Variants in NAA11 observed in about 807,000 individuals in gnomAD.
NAA11 encodes N-alpha-acetyltransferase 11.
Under a neutral mutation model 16.1 loss-of-function variants are expected in NAA11, and 15 were observed. The ratio of observed to expected loss-of-function variants is 0.93; its 90% CI spans 0.62 to 1.44. NAA11 has a LOEUF of 1.44. NAA11 is among the 40% of genes most tolerant of loss of function. The pLI is 0.00. For synonymous variants in NAA11, 122 were observed against 112.4 expected (o/e 1.09, Z -0.54); for missense variants, 298 against 291.3 (o/e 1.02, Z -0.17).
chr4:79,260,463 T>C (rs1226808252), intron 2 of NAA11, among the ~76,000 whole-genome samples: 1 of 152,212 alleles, frequency 6.6e-6, no homozygotes, highest in Non-Finnish European at 1.5e-5. Flanking sequence ...GGCATCTGAC[T>C]AGGCCATTTT....
At chr4:79,302,569 T>C (rs996121634) in intron 1 of NAA11, among the ~76,000 whole-genome samples, 1 of 152,130 alleles carries the variant, frequency 6.6e-6, no homozygotes, top group Admixed American at 6.5e-5. Context: ...TGTATATGTG[T>C]ATATAATGTA....
At position 79,316,713 on chromosome 4, in the gene NAA11, A is replaced by G. The variant is rs1194144675; in HGVS notation, c.*1091T>C. Reference sequence around the variant, plus strand: ...CTTTGTCTTCACTTATTTTTACTAGAGAAAAATAATAAAAATAGATTATAA... The same window carrying G: ...CTTTGTCTTCACTTATTTTTACTAGGGAAAAATAATAAAAATAGATTATAA... On this transcript the variant is annotated 3_prime_UTR_variant, in exon 2 of 2. Transcript: ENST00000286794. The G allele has an allele frequency of 6.6e-6, 1 of 152,194 alleles. No individual in the cohort carries two copies. Among genetic ancestry groups the G allele is most frequent in the East Asian group, 1.9e-4 (1 of 5,202 alleles). The allele number at this position is 152,194 out of a possible 1,614,324, so 9.4% of individuals were successfully genotyped here.
chr4:79,234,117 C>T (rs183597332), intron 2 of NAA11, among the ~76,000 whole-genome samples: 246 of 152,068 alleles, frequency 1.6e-3, no homozygotes, highest in African/African-American at 5.5e-3. Context: ...AAGATAAGAC[C>T]GCAAAACCAA....
the NAA11 span, among the ~76,000 whole-genome samples, chr4:79,155,786 C>G: frequency 6.6e-6 from 1 of 152,210 alleles, no homozygotes; most frequent in African/African-American, 2.4e-5. Flanking sequence ...GTCTCCTGCT[C>G]TGTTATCAGG....
chr4:79,314,885 A>G (rs973090636), downstream of NAA11, among the ~76,000 whole-genome samples: 3 of 152,148 alleles, frequency 2.0e-5, no homozygotes, highest in Non-Finnish European at 4.4e-5. Flanking sequence ...TACATTTTAT[A>G]CTATATACAC....
Position 79,245,741 on chromosome 4 carries a change from C to T in NAA11, c.*123-19471G>A, listed in dbSNP as rs532497477. On this transcript the variant is annotated intron_variant and NMD_transcript_variant, in intron 2 of 2. Transcript: ENST00000511542. ...CTGGGAGGTTGGGGGCGCCCCCGCC[C>T]GGCAGCCACCCCCTCTGGGAGGTAG... 4.6e-5 allele frequency among the ~76,000 whole-genome samples: 7 copies of T among 151,724 alleles called. No individual in the cohort carries two copies. In the East Asian group the frequency reaches 5.9e-4, roughly 13 times the overall value.
chr4:79,196,302 C>A, the NAA11 span, among the ~76,000 whole-genome samples: 23 of 152,016 alleles, frequency 1.5e-4, no homozygotes, highest in Non-Finnish European at 2.9e-4. Context: ...CTATAGACAC[C>A]CAGAGAGGAT....
intron 2 of NAA11, among the ~76,000 whole-genome samples, chr4:79,238,848 T>C (rs544929473): frequency 1.3e-5 from 2 of 152,330 alleles, no homozygotes; most frequent in Admixed American, 1.3e-4. Context: ...TTGCCTCTTG[T>C]AGTTCTCTTG....
chr4:79,197,960 G>C, the NAA11 span, among the ~76,000 whole-genome samples: 4 of 135,364 alleles, frequency 3.0e-5, no homozygotes, highest in Non-Finnish European at 6.4e-5. Flanking sequence ...TGCGAGGTAA[G>C]TAAAATAACT....
At chr4:79,169,235 CATAGAATT>C in the NAA11 span, among the ~76,000 whole-genome samples, 1 of 152,106 alleles carries the variant, frequency 6.6e-6, no homozygotes, top group African/African-American at 2.4e-5. Context: ...TGATTTTCTT[CATAGAATT>C]AGAAAAAACT....
At chr4:79,323,205 GAC>G in intron 1 of NAA11, among the ~76,000 whole-genome samples, 1 of 152,138 alleles carries the variant, frequency 6.6e-6, no homozygotes, top group South Asian at 2.1e-4. Flanking sequence ...AGGGTAAGGT[GAC>G]TAGATTAAGA....
chr4:79,166,399 T>TA, the NAA11 span, among the ~76,000 whole-genome samples: 1 of 151,760 alleles, frequency 6.6e-6, no homozygotes, highest in South Asian at 2.1e-4. Flanking sequence ...ATGTGGGGGC[T>TA]GGAGTGTAGT....
At chr4:79,257,428 A>G (rs1181025759) in intron 2 of NAA11, among the ~76,000 whole-genome samples, 1 of 152,048 alleles carries the variant, frequency 6.6e-6, no homozygotes, top group African/African-American at 2.4e-5. Context: ...AATTTGCAAG[A>G]GATTTTTTTT....
At chr4:79,209,866 C>A in the NAA11 span, among the ~76,000 whole-genome samples, 2 of 151,938 alleles carry the variant, frequency 1.3e-5, no homozygotes, top group Non-Finnish European at 1.5e-5. Flanking sequence ...GCAAACACGG[C>A]AAAACCTCAT....
the NAA11 span, among the ~76,000 whole-genome samples, chr4:79,157,415 C>T: frequency 1.3e-5 from 2 of 151,962 alleles, no homozygotes; most frequent in South Asian, 2.1e-4. Flanking sequence ...ATCCAGGTTG[C>T]TGCCAATGCA....
At chr4:79,163,415 G>A in the NAA11 span, among the ~76,000 whole-genome samples, 1 of 152,036 alleles carries the variant, frequency 6.6e-6, no homozygotes, top group East Asian at 1.9e-4. Flanking sequence ...GCTGTGGGGA[G>A]GGTTAAAAAA....
At chr4:79,298,913 G>A (rs922893489) in intron 1 of NAA11, 1 of 152,176 alleles carries the variant, frequency 6.6e-6, no homozygotes, top group Non-Finnish European at 1.5e-5. Context: ...GATTTTACTT[G>A]ACTATATTTT....
the NAA11 span, among the ~76,000 whole-genome samples, chr4:79,188,949 G>C: frequency 2.0e-5 from 3 of 151,298 alleles, no homozygotes; most frequent in African/African-American, 7.3e-5. Context: ...AACTTGTGAA[G>C]GGCCGAGCGC....
Position 79,258,120 on chromosome 4 carries a change from T to C in NAA11, c.*123-31850A>G, listed in dbSNP as rs113854814. On this transcript the variant is annotated intron_variant and NMD_transcript_variant, in intron 2 of 2. Transcript: ENST00000511542. ...AAGTGGGAGCCCTGTCCCTTCCAAG[T>C]TGGTGGGGCAGGAGCTCCCAGGGGT... Among the ~76,000 whole-genome samples, 3 of 152,320 alleles carry C rather than the reference T, an allele frequency of 2.0e-5. 1 individual carries two copies. The highest frequency in any genetic ancestry group is 4.8e-5 in the African/African-American group (2 of 41,574).
Sources: gnomAD v4.1 joint callset for allele counts (sites outside exome capture counted in the v4.1 genomes callset) on GRCh38, gnomAD v4.1.1 for gene constraint, MANE v1.5 for transcripts, NCBI Gene and HGNC (gene_info 2026-07-23, HGNC 2026-07-21) for gene names.